Variants in ABCC3 observed in about 807,000 individuals in gnomAD.
The protein encoded by ABCC3 is ATP binding cassette subfamily C member 3, also known as ATP-binding cassette sub-family C member 3.
ABCC3 carries 121 observed loss-of-function variants against 165.3 expected under a neutral mutation model. The ratio of observed to expected loss-of-function variants is 0.73; its 90% CI spans 0.63 to 0.85. The LOEUF is 0.85. Ranked by LOEUF, ABCC3 falls within the 40% of genes least tolerant of loss-of-function variation. The pLI, the probability that ABCC3 is intolerant of heterozygous loss-of-function variation, is 0.00. For synonymous variants in ABCC3, 733 were observed against 810.1 expected, an observed-to-expected ratio of 0.90 and a Z score of 1.62; for missense variants, 1,869 against 1,964.1, an observed-to-expected ratio of 0.95 and a Z score of 0.92.
In ABCC3 at chr17:50,678,147, A is replaced by C. The variant is rs1310327439; in HGVS notation, c.3633A>C (p.Ala1211=). ...FVGNCVVLFA[A]LFAVIGRSSL... is the part of the protein sequence containing the mutation. The stretch of plus-strand genomic sequence containing the variant: ...GGAACTGCGTGGTGCTCTTTGCTGC[A>C]CTATTTGCCGTCATCGGGAGGAGCA... Residue 1211 remains alanine, a synonymous_variant, in exon 25 of 31, where the codon GCA becomes GCC. Transcript: ENST00000285238. 4 of 1,565,610 alleles carry C rather than the reference A, an allele frequency of 2.6e-6. No individual in the cohort carries two copies. The highest frequency in any genetic ancestry group is 1.2e-5 in the South Asian group (1 of 81,734).
chr17:50,653,614 G>C (rs568190392), intron 1 of ABCC3, among the ~76,000 whole-genome samples: 1 of 151,744 alleles, frequency 6.6e-6, no homozygotes, highest in East Asian at 1.9e-4. Flanking sequence ...TTAGCTGGGC[G>C]TGGAGGCACA....
At chr17:50,686,897 G>A (rs1968031982) in intron 29 of ABCC3, among the ~76,000 whole-genome samples, 1 of 152,170 alleles carries the variant, frequency 6.6e-6, no homozygotes, top group Non-Finnish European at 1.5e-5. Flanking sequence ...TGGATGTGGG[G>A]ATGCTGTGGC....
At position 50,676,441 on chromosome 17, in the gene ABCC3, T is replaced by G; in HGVS notation, c.3231T>G (p.Tyr1077Ter). The G allele has an allele frequency of 6.2e-7, 1 of 1,614,220 alleles. No homozygotes were observed. The highest frequency in any genetic ancestry group is 8.5e-7 in the Non-Finnish European group (1 of 1,180,026). Residue 1077 changes from tyrosine to a stop codon, truncating the protein, a stop_gained, in exon 23 of 31, where the codon TAT (tyrosine) becomes TAG (stop). Coordinates refer to ENST00000285238, the MANE Select transcript of ABCC3 (RefSeq NM_003786.4). LOFTEE classifies it high-confidence loss of function. ...TGAACTGCTTCTCCAAGGACATCTA[T>G]GTCGTTGATGAGGTTCTGGCCCCTG... ...RILNCFSKDI[Y>*]VVDEVLAPVI...
At chr17:50,671,760 A>ACTG (rs1967653111) in intron 17 of ABCC3, among the ~76,000 whole-genome samples, 1 of 124,614 alleles carries the variant, frequency 8.0e-6, no homozygotes, top group Non-Finnish European at 1.6e-5. Flanking sequence ...TGTTGCCCAG[A>ACTG]CTGTAGATTG....
chr17:50,638,750 C>A (rs901476995), intron 1 of ABCC3, among the ~76,000 whole-genome samples: 1 of 152,168 alleles, frequency 6.6e-6, no homozygotes, highest in Non-Finnish European at 1.5e-5. Context: ...GATCCCTGGT[C>A]CCTTGGAGGC....
At chr17:50,635,019 A>G in intron 1 of ABCC3, 38 bp downstream of exon 1, 2 of 1,256,376 alleles carry the variant, frequency 1.6e-6, no homozygotes, top group Admixed American at 8.3e-5. Context: ...CGCGGGGGCC[A>G]GGGTCGGCCG....
chr17:50,668,337 C>T, intron 13 of ABCC3, 93 bp from the exon 14 acceptor site: 1 of 1,117,838 alleles, frequency 8.9e-7, no homozygotes, highest in South Asian at 1.4e-5. Context: ...CTCAGGGGGT[C>T]CTGCCTAGCC....
At position 50,679,842 on chromosome 17, in the gene ABCC3, G is replaced by A. The variant is rs1324498750; in HGVS notation, c.3750G>A (p.Leu1250=). ...GGATGATACGAATGATGTCAGATTT[G>A]GAATCTAACATCGTGGCTGTGGAGA... ...LNWMIRMMSD[L]ESNIVAVERV... The change falls in exon 26 of 31, where the codon TTG becomes TTA. Residue 1250 remains leucine, a synonymous_variant. Transcript: ENST00000285238. 2 of 1,614,002 alleles carry A rather than the reference G, an allele frequency of 1.2e-6. No homozygotes were observed. Among genetic ancestry groups the A allele is most frequent in the Admixed American group, 3.3e-5 (2 of 59,996 alleles).
intron 17 of ABCC3, among the ~76,000 whole-genome samples, chr17:50,672,355 C>T (rs1022058267): frequency 2.0e-5 from 3 of 152,210 alleles, no homozygotes; most frequent in East Asian, 1.9e-4. Context: ...AATTTCCCTC[C>T]TTGTAAGGCT....
chr17:50,647,932 G>C (rs191313980), intron 1 of ABCC3, among the ~76,000 whole-genome samples: 1 of 152,070 alleles, frequency 6.6e-6, no homozygotes, highest in Non-Finnish European at 1.5e-5. Flanking sequence ...CCAGCTACTC[G>C]GGAGGCTGAG....
In ABCC3 at chr17:50,673,029, G is replaced by A. The variant is rs1967681198; in HGVS notation, c.2300G>A (p.Ser767Asn). 1 of 1,614,162 alleles carries A rather than the reference G, an allele frequency of 6.2e-7. No individual in the cohort carries two copies. The highest frequency in any genetic ancestry group is 8.5e-7 in the Non-Finnish European group (1 of 1,180,032). Reference sequence around the variant, plus strand: ...GTCAGTCTGGCTCGAGCTGTTTACAGTGATGCCGATATTTTCTTGCTGGAT... The same window carrying A: ...GTCAGTCTGGCTCGAGCTGTTTACAATGATGCCGATATTTTCTTGCTGGAT... ...QRVSLARAVY[S>N]DADIFLLDDP... Residue 767 changes from serine to asparagine, a missense_variant, in exon 18 of 31, where the codon AGT becomes AAT. Transcript: ENST00000285238.
intron 1 of ABCC3, among the ~76,000 whole-genome samples, chr17:50,642,229 G>T (rs739921): frequency 2.6e-5 from 4 of 152,114 alleles, no homozygotes; most frequent in Admixed American, 2.0e-4. Context: ...AGTTCTGGAC[G>T]TGTTTTGTAT....
chr17:50,682,425 TA>T (rs376272357), intron 26 of ABCC3, among the ~76,000 whole-genome samples: 338 of 140,856 alleles, frequency 2.4e-3, no homozygotes, highest in East Asian at 4.7e-3. Flanking sequence ...TAATCAGAGT[TA>T]AAAAAAAAAA....
intron 23 of ABCC3, 67 bp from the exon 24 acceptor site, chr17:50,677,677 C>A: frequency 6.7e-7 from 1 of 1,494,012 alleles, no homozygotes; most frequent in Non-Finnish European, 9.2e-7. Flanking sequence ...TGGATGAGTT[C>A]AGAGACAGGC....
chr17:50,689,347 CCA>C (rs1053587762), intron 30 of ABCC3, among the ~76,000 whole-genome samples: 2 of 152,184 alleles, frequency 1.3e-5, no homozygotes, highest in Non-Finnish European at 2.9e-5. Flanking sequence ...GAGAGGCAGA[CCA>C]CTCCCTCATT....
chr17:50,648,075 G>A (rs1226185967), intron 1 of ABCC3, among the ~76,000 whole-genome samples: 1 of 152,086 alleles, frequency 6.6e-6, no homozygotes, highest in Non-Finnish European at 1.5e-5. Context: ...AGGACTTCTG[G>A]TTCTATAGGG....
At chr17:50,657,330 T>C (rs1967274331) in intron 4 of ABCC3, 147 bp downstream of exon 4, 2 of 1,142,468 alleles carry the variant, frequency 1.8e-6, no homozygotes, top group South Asian at 3.1e-5. Context: ...GCTACATTTC[T>C]ACCTGGAAGC....
intron 1 of ABCC3, among the ~76,000 whole-genome samples, chr17:50,652,857 A>G (rs1402096502): frequency 3.9e-5 from 6 of 152,320 alleles, no homozygotes; most frequent in East Asian, 1.9e-4. Flanking sequence ...GAATTGTTCA[A>G]ATAAACTTGG....
Position 50,671,215 on chromosome 17 carries a change from G to T in ABCC3, c.2241+1687G>T, listed in dbSNP as rs536796510. On this transcript the variant is annotated intron_variant, in intron 17 of 30. Transcript: ENST00000285238. ...AGGTTGCAATGAACTGAGATTGATTGTATCACTGCATTCCAGCCTGGGCGA... is the reference window on the plus strand; with the variant it reads ...AGGTTGCAATGAACTGAGATTGATTTTATCACTGCATTCCAGCCTGGGCGA... Among the ~76,000 whole-genome samples, 8 of 149,972 alleles carry T rather than the reference G, an allele frequency of 5.3e-5. No individual in the cohort carries two copies. In the South Asian group the frequency reaches 1.7e-3, roughly 32 times the overall value.
Sources: gnomAD v4.1 joint callset for allele counts (sites outside exome capture counted in the v4.1 genomes callset) on GRCh38, gnomAD v4.1.1 for gene constraint, MANE v1.5 for transcripts, NCBI Gene and HGNC (gene_info 2026-07-23, HGNC 2026-07-21) for gene names.